The following NR2E3 variants were observed in gnomAD, a reference collection of about 807,000 sequenced individuals.
NR2E3 encodes the protein photoreceptor-specific nuclear receptor.
A neutral mutation model predicts 37.6 loss-of-function variants in NR2E3; 38 were observed. That is an observed-to-expected ratio of 1.01 (90% CI 0.78 to 1.33). The LOEUF (loss-of-function observed/expected upper bound fraction) is 1.33. Ranked by LOEUF, NR2E3 falls within the 40% of genes most tolerant of loss-of-function variation. The pLI, the probability that NR2E3 is intolerant of heterozygous loss-of-function variation, is 0.00. For synonymous variants in NR2E3, 235 were observed against 225.1 expected, an observed-to-expected ratio of 1.04 and a Z score of -0.39; for missense variants, 562 against 558.7, an observed-to-expected ratio of 1.01 and a Z score of -0.06.
chr15:71,813,296 C>T lies in NR2E3; in HGVS notation c.748-93C>T. 1 of 1,518,364 alleles carries T rather than the reference C, an allele frequency of 6.6e-7. No homozygotes were observed. The highest frequency in any genetic ancestry group is 8.9e-7 in the Non-Finnish European group (1 of 1,126,036). 94.1% of individuals were successfully genotyped at this position (1,518,364 alleles called of 1,614,324 possible). A position where few individuals can be genotyped will look rare whatever the true frequency, so the allele number is the denominator to read the frequency against. On this transcript the variant is annotated intron_variant, in intron 5 of 7. Transcript: ENST00000617575. This position sits in a 1 kb window ranked among gnomAD's most constrained non-coding sequence, Gnocchi z 4.7. ...TTCTCGGGTCCCAGGACAGCACTTC[C>T]ATTCCTTGGGTGCCTGAGATGGTGG...
chr15:71,814,033 C>T lies in NR2E3; in HGVS notation c.1016C>T (p.Pro339Leu). The T allele has an allele frequency of 6.2e-7, 1 of 1,612,588 alleles. No individual in the cohort carries two copies. Among genetic ancestry groups the T allele is most frequent in the Non-Finnish European group, 8.5e-7 (1 of 1,179,612 alleles). ...CCAGAGACGCGGGGCCTGAAGGATC[C>T]TGAGCACGTAGAGGCCTTGCAGGAC... ...FKPETRGLKD[P>L]EHVEALQDQS... Residue 339 changes from proline to leucine, a missense_variant, in exon 7 of 8, where the codon CCT becomes CTT. Pro to Leu is a moderately conservative substitution (Grantham distance 98, BLOSUM62 -3). Transcript: ENST00000617575.
chr15:71,812,785 GTCT>G (rs760996399), intron 5 of NR2E3, among the ~76,000 whole-genome samples: 2 of 152,240 alleles, frequency 1.3e-5, no homozygotes, highest in Middle Eastern at 3.4e-3. Context: ...AGGGCCCAGG[GTCT>G]TCTTAAGTTC....
chr15:71,812,035 G>C lies in NR2E3; in HGVS notation c.430G>C (p.Glu144Gln). The C allele has an allele frequency of 6.4e-7, 1 of 1,554,362 alleles. No homozygotes were observed. Among genetic ancestry groups the C allele is most frequent in the Non-Finnish European group, 8.7e-7 (1 of 1,149,158 alleles). Residue 144 changes from glutamate (E) to glutamine (Q), a missense_variant, in exon 4 of 8, where the codon GAG becomes CAG. Coordinates refer to ENST00000617575, the MANE Select transcript of NR2E3 (RefSeq NM_014249.4). ...GGAGTCCAACACTGAGTCCCGGCCG[G>C]AGTCCCTGGTGGCTCCCCCGGCCCC... is the stretch of plus-strand genomic sequence containing the variant. ...SMESNTESRP[E>Q]SLVAPPAPAG...
chr15:71,811,431 C>A lies in NR2E3; in HGVS notation c.119-52C>A. Reference sequence around the variant, plus strand: ...CCGAGGGAAGGAGGGGAGCGTGCAGCCCTGCCCCGGCCCAGCCCTGCCCTG... The same window carrying A: ...CCGAGGGAAGGAGGGGAGCGTGCAGACCTGCCCCGGCCCAGCCCTGCCCTG... On this transcript the variant is annotated intron_variant, in intron 1 of 7. Transcript: ENST00000617575. This position sits in a 1 kb window ranked among gnomAD's most constrained non-coding sequence, Gnocchi z 5.6. The A allele has an allele frequency of 6.6e-7, 1 of 1,510,536 alleles. No homozygotes were observed. Among genetic ancestry groups the A allele is most frequent in the Non-Finnish European group, 9.0e-7 (1 of 1,115,504 alleles). The allele number at this position is 1,510,536 out of a possible 1,614,324, so 93.6% of individuals were successfully genotyped here.
At chr15:71,816,257 C>CT (rs59789846) in intron 7 of NR2E3, among the ~76,000 whole-genome samples, 4,752 of 121,988 alleles carry the variant, frequency 0.039, 376 homozygotes, top group African/African-American at 0.12. Flanking sequence ...TTAGCAAATA[C>CT]TTTTTTTTTT....
At chr15:71,816,397 A>T (rs745802881) in intron 7 of NR2E3, among the ~76,000 whole-genome samples, 1 of 150,628 alleles carries the variant, frequency 6.6e-6, no homozygotes, top group African/African-American at 2.5e-5. Flanking sequence ...AGTAGCTGGG[A>T]CTACAGGCGC....
Position 71,810,811 on chromosome 15 carries a change from C to CCTCCAGGAAGGAGT in NR2E3, c.76_89dup (p.Trp32SerfsTer15). ...GCAGCTGCGCCTGCAGCTGGGGCTGCCTCCAGGAAGGAGTCTCCAGGCAGA... is the reference window on the plus strand; with the variant it reads ...GCAGCTGCGCCTGCAGCTGGGGCTGCCTCCAGGAAGGAGTCTCCAGGAAGGAGTCTCCAGGCAGA... On this transcript the variant is annotated frameshift_variant, in exon 1 of 8. Transcript: ENST00000617575. LOFTEE classifies it high-confidence loss of function. 1 of 1,573,752 alleles carries CCTCCAGGAAGGAGT rather than the reference C, an allele frequency of 6.4e-7. No homozygotes were observed. The highest frequency in any genetic ancestry group is 8.6e-7 in the Non-Finnish European group (1 of 1,160,076).
In NR2E3 at chr15:71,812,177, G is replaced by T; in HGVS notation, c.571+1G>T. 2 of 1,587,382 alleles carry T rather than the reference G, an allele frequency of 1.3e-6. No homozygotes were observed. The highest frequency in any genetic ancestry group is 1.7e-6 in the Non-Finnish European group (2 of 1,167,430). On this transcript the variant is annotated splice_donor_variant, in intron 4 of 7. Coordinates refer to ENST00000617575, the MANE Select transcript of NR2E3 (RefSeq NM_014249.4). LOFTEE classifies it high-confidence loss of function. ...TGTGCTAAGCTGGAGCCAGAGGATG[G>T]TGAGTGGGAGAGCAGCTGAGGGCAC...
In NR2E3 at chr15:71,811,890, G is replaced by A. The variant is rs943949556; in HGVS notation, c.349+21G>A. 1 of 1,550,356 alleles carries A rather than the reference G, an allele frequency of 6.5e-7. No homozygotes were observed. Among genetic ancestry groups the A allele is most frequent in the Non-Finnish European group, 8.7e-7 (1 of 1,146,640 alleles). On this transcript the variant is annotated intron_variant, in intron 3 of 7. Coordinates refer to ENST00000617575, the MANE Select transcript of NR2E3 (RefSeq NM_014249.4). The surrounding 1 kb of genome is among the most constrained non-coding windows in gnomAD (Gnocchi z 5.6). ...GGACGGTGAGGCGGGGGCTGGCCCGGGGGGAGGTGACAAGAAATGGGCAGC... is the reference window on the plus strand; with the variant it reads ...GGACGGTGAGGCGGGGGCTGGCCCGAGGGGAGGTGACAAGAAATGGGCAGC...
intron 7 of NR2E3, among the ~76,000 whole-genome samples, chr15:71,815,922 C>T (rs898833456): frequency 2.0e-4 from 31 of 152,166 alleles, no homozygotes; most frequent in African/African-American, 7.5e-4. Context: ...GTTATTTCTT[C>T]TTCCTCCCAC....
chr15:71,810,897 C>A (rs535375186), intron 1 of NR2E3, 36 bp downstream of exon 1: 5 of 1,516,800 alleles, frequency 3.3e-6, no homozygotes, highest in South Asian at 2.5e-5. Context: ...TGGGTCTGGG[C>A]CCTTGGGGAG....
chr15:71,810,689 GCC>G lies in NR2E3; in HGVS notation c.-54_-53del. The G allele has an allele frequency of 1.3e-6, 2 of 1,548,630 alleles. No individual in the cohort carries two copies. Among genetic ancestry groups the G allele is most frequent in the Non-Finnish European group, 1.7e-6 (2 of 1,146,092 alleles). Reference sequence around the variant, plus strand: ...GTTCATGGACTGAGGCAAAGGCTGGGCCAGGCTCAGCAACCCAGGCCTCCCGC... The same window carrying G: ...GTTCATGGACTGAGGCAAAGGCTGGGAGGCTCAGCAACCCAGGCCTCCCGC... On this transcript the variant is annotated 5_prime_UTR_variant, in exon 1 of 8. Coordinates refer to ENST00000617575, the MANE Select transcript of NR2E3 (RefSeq NM_014249.4).
Position 71,812,060 on chromosome 15 carries a change from C to A in NR2E3, c.455C>A (p.Pro152Gln). Residue 152 changes from proline (P) to glutamine (Q), a missense_variant, in exon 4 of 8, where the codon CCG becomes CAG. Pro to Gln is a moderately conservative substitution (Grantham distance 76, BLOSUM62 -1). Transcript: ENST00000617575. ...RPESLVAPPA[P>Q]AGRSPRGPTP... ...GAGTCCCTGGTGGCTCCCCCGGCCC[C>A]GGCAGGGCGCAGCCCACGGGGCCCC... 1.3e-6 allele frequency: 2 copies of A among 1,553,014 alleles called. No homozygotes were observed. The highest frequency in any genetic ancestry group is 1.7e-6 in the Non-Finnish European group (2 of 1,148,468).
chr15:71,810,668 A>G lies in NR2E3; in HGVS notation c.-76A>G. Reference sequence around the variant, plus strand: ...CAGGGGCACAGAGAGACAGAGGTTCATGGACTGAGGCAAAGGCTGGGCCAG... The same window carrying G: ...CAGGGGCACAGAGAGACAGAGGTTCGTGGACTGAGGCAAAGGCTGGGCCAG... On this transcript the variant is annotated 5_prime_UTR_variant, in exon 1 of 8. The change abolishes an upstream ATG in the 5' untranslated region. Coordinates refer to ENST00000617575, the MANE Select transcript of NR2E3 (RefSeq NM_014249.4). 1 of 1,543,836 alleles carries G rather than the reference A, an allele frequency of 6.5e-7. No homozygotes were observed. The highest frequency in any genetic ancestry group is 8.7e-7 in the Non-Finnish European group (1 of 1,143,938).
chr15:71,817,101 C>CTTT (rs1555454986), intron 7 of NR2E3, among the ~76,000 whole-genome samples: 5 of 80,940 alleles, frequency 6.2e-5, no homozygotes. Flanking sequence ...TTTCTTTTTT[C>CTTT]TTTTTTTTTT....
intron 7 of NR2E3, among the ~76,000 whole-genome samples, chr15:71,816,291 C>A (rs1018909350): frequency 7.2e-6 from 1 of 138,172 alleles, no homozygotes; most frequent in East Asian, 2.3e-4. Context: ...GACGGAGTCT[C>A]TCTCTGTCAC....
Position 71,812,144 on chromosome 15 carries a change from C to A in NR2E3, c.539C>A (p.Ala180Asp). Residue 180 changes from alanine to aspartate, a missense_variant, in exon 4 of 8, where the codon GCT becomes GAT. Ala to Asp is a moderately radical substitution (Grantham distance 126). Transcript: ENST00000617575. ...CACTTCATGGCCAGCCTTATAACAG[C>A]TGAAACCTGTGCTAAGCTGGAGCCA... ...GHHFMASLIT[A>D]ETCAKLEPED... The A allele has an allele frequency of 6.4e-7, 1 of 1,567,444 alleles. No homozygotes were observed. The highest frequency in any genetic ancestry group is 8.6e-7 in the Non-Finnish European group (1 of 1,156,620).
intron 5 of NR2E3, among the ~76,000 whole-genome samples, chr15:71,812,967 A>G (rs2054197639): frequency 6.6e-6 from 1 of 152,014 alleles, no homozygotes; most frequent in Non-Finnish European, 1.5e-5. Flanking sequence ...CTCGGCTTCT[A>G]ATGGGCAAGC....
intron 7 of NR2E3, among the ~76,000 whole-genome samples, chr15:71,816,096 C>T (rs1215707683): frequency 6.6e-6 from 1 of 152,064 alleles, no homozygotes; most frequent in Non-Finnish European, 1.5e-5. Flanking sequence ...CCGAAATTCA[C>T]GGTGAGAGGA....
Sources: allele counts gnomAD v4.1 joint callset (sites outside exome capture counted in the v4.1 genomes callset), GRCh38; gene constraint gnomAD v4.1.1; non-coding constraint Gnocchi (gnomAD v3.1); transcripts MANE v1.5; gene names NCBI Gene and HGNC (gene_info 2026-07-23, HGNC 2026-07-21).